The following GPR157 variants were observed in gnomAD, a reference collection of about 807,000 sequenced individuals.
The protein encoded by GPR157 is G-protein coupled receptor 157.
In GPR157, 16 loss-of-function variants were observed where a neutral mutation model predicts 23.5. The observed-to-expected ratio is 0.68, with a 90% CI of 0.46 to 1.04. GPR157 has a LOEUF of 1.04. Among genes scored for constraint, GPR157 ranks in the 50% least tolerant of loss-of-function variants. The pLI is 0.00. For missense variants in GPR157, 440 were observed against 460.7 expected (o/e 0.96, Z 0.41); for synonymous variants, 200 against 221.5 (o/e 0.90, Z 0.86).
intron 3 of GPR157, 61 bp from the exon 4 acceptor site, chr1:9,104,695 TG>T: frequency 7.9e-7 from 1 of 1,267,640 alleles, no homozygotes; most frequent in Admixed American, 2.2e-5. Flanking sequence ...ACACACGCGC[TG>T]TTGCAATTAA....
At chr1:9,116,873 G>C (rs748241608) in intron 1 of GPR157, among the ~76,000 whole-genome samples, 1 of 151,950 alleles carries the variant, frequency 6.6e-6, no homozygotes, top group African/African-American at 2.4e-5. Flanking sequence ...TCCTGAGTAG[G>C]GGGTACTACA....
At chr1:9,106,467 T>C (rs1422411186) in intron 2 of GPR157, among the ~76,000 whole-genome samples, 1 of 152,140 alleles carries the variant, frequency 6.6e-6, no homozygotes, top group African/African-American at 2.4e-5. Context: ...GGCCAACCCT[T>C]ATGGTCACAG....
Position 9,104,441 on chromosome 1 carries a change from G to A in GPR157, c.986C>T (p.Pro329Leu). Residue 329 changes from proline to leucine, a missense_variant, in exon 4 of 4, where the codon CCA becomes CTA. Coordinates refer to ENST00000377411, the MANE Select transcript of GPR157 (RefSeq NM_024980.5). ...AGCTCAGGTGCTTGGAAGTTCCCCTGGGGTCCCTTGGGATTCCTGAGATTC... is the reference window on the plus strand; with the variant it reads ...AGCTCAGGTGCTTGGAAGTTCCCCTAGGGTCCCTTGGGATTCCTGAGATTC... ...PGESQESQGT[P>L]GELPST is the part of the protein sequence containing the mutation. 1 of 1,613,890 alleles carries A rather than the reference G, an allele frequency of 6.2e-7. No individual in the cohort carries two copies.
intron 1 of GPR157, among the ~76,000 whole-genome samples, chr1:9,127,194 GA>G: frequency 6.6e-6 from 1 of 152,154 alleles, no homozygotes; most frequent in South Asian, 2.1e-4. Flanking sequence ...CTTTATCAAA[GA>G]AGCCCTTCCT....
intron 2 of GPR157, among the ~76,000 whole-genome samples, chr1:9,108,406 A>G (rs949628919): frequency 1.3e-5 from 2 of 152,242 alleles, no homozygotes; most frequent in African/African-American, 2.4e-5. Context: ...TGTCACCCGT[A>G]AGGGTCAGCC....
chr1:9,128,959 T>G lies in GPR157; in HGVS notation c.69A>C (p.Ala23=). Residue 23 remains alanine, a synonymous_variant, in exon 1 of 4, where the codon GCA becomes GCC. Transcript: ENST00000377411. This position sits in a 1 kb window ranked among gnomAD's most constrained non-coding sequence, Gnocchi z 6.3. The part of the protein sequence containing the change: ...SERAVVLLSC[A]LSALGSGLLV... Reference sequence around the variant, plus strand: ...GCAGGCCCGAGCCGAGCGCGGAGAGTGCGCACGACAGCAGCACCACGGCGC... The same window carrying G: ...GCAGGCCCGAGCCGAGCGCGGAGAGGGCGCACGACAGCAGCACCACGGCGC... 6.8e-7 allele frequency: 1 copy of G among 1,479,876 alleles called. No homozygotes were observed. Among genetic ancestry groups the G allele is most frequent in the Non-Finnish European group, 9.0e-7 (1 of 1,117,148 alleles). 91.7% of individuals were successfully genotyped at this position (1,479,876 alleles called of 1,614,324 possible).
chr1:9,128,362 C>T lies in GPR157; in HGVS notation c.383+283G>A, dbSNP rs1475048164. The stretch of plus-strand genomic sequence containing the variant: ...AGGGGCTCAGAGTGTCCTCCCCAGC[C>T]CCGTCCAAGGAAACAGGGCCCGGCT... On this transcript the variant is annotated intron_variant, in intron 1 of 3. Coordinates refer to ENST00000377411, the MANE Select transcript of GPR157 (RefSeq NM_024980.5). This position sits in a 1 kb window ranked among gnomAD's most constrained non-coding sequence, Gnocchi z 6.3. The T allele has an allele frequency of 4.5e-6, 3 of 669,480 alleles. No individual in the cohort carries two copies. The highest frequency in any genetic ancestry group is 2.4e-4 in the Middle Eastern group (1 of 4,222). The allele number at this position is 669,480 out of a possible 1,614,324, so 41.5% of individuals were successfully genotyped here.
In GPR157 at chr1:9,101,944, G is replaced by T. The variant is rs1056535278; in HGVS notation, c.*2475C>A. The T allele has an allele frequency of 1.3e-5, 2 of 152,204 alleles. No homozygotes were observed. The highest frequency in any genetic ancestry group is 2.9e-5 in the Non-Finnish European group (2 of 68,048). The allele number at this position is 152,204 out of a possible 1,614,324, so 9.4% of individuals were successfully genotyped here. Reference sequence around the variant, plus strand: ...CCTGAATTTTCGCTCCCTTCTAGAAGCTCAAGTGAGGGTCTTTACCAGAGA... The same window carrying T: ...CCTGAATTTTCGCTCCCTTCTAGAATCTCAAGTGAGGGTCTTTACCAGAGA... On this transcript the variant is annotated 3_prime_UTR_variant, in exon 4 of 4. Coordinates refer to ENST00000377411, the MANE Select transcript of GPR157 (RefSeq NM_024980.5).
At chr1:9,119,547 C>A (rs1056685507) in intron 1 of GPR157, among the ~76,000 whole-genome samples, 1 of 152,246 alleles carries the variant, frequency 6.6e-6, no homozygotes, top group South Asian at 2.1e-4. Context: ...TGTCTAAGCC[C>A]CCAGGCTGTG....
At chr1:9,126,126 T>G (rs907591597) in intron 1 of GPR157, among the ~76,000 whole-genome samples, 1 of 152,084 alleles carries the variant, frequency 6.6e-6, no homozygotes, top group Non-Finnish European at 1.5e-5. Context: ...CCCAGCTAAT[T>G]TTTGTAATTT....
At chr1:9,124,467 A>G (rs915730677) in intron 1 of GPR157, among the ~76,000 whole-genome samples, 1 of 152,220 alleles carries the variant, frequency 6.6e-6, no homozygotes, top group African/African-American at 2.4e-5. Context: ...CAAGATTCCT[A>G]TCCCAGAAAA....
At chr1:9,114,557 G>C (rs564413352) in intron 1 of GPR157, among the ~76,000 whole-genome samples, 1 of 152,060 alleles carries the variant, frequency 6.6e-6, no homozygotes, top group Non-Finnish European at 1.5e-5. Flanking sequence ...GGTCACGGTC[G>C]GCACAGCACT....
At chr1:9,104,746 A>G (rs1638236445) in intron 3 of GPR157, 112 bp from the exon 4 acceptor site, 2 of 730,198 alleles carry the variant, frequency 2.7e-6, no homozygotes, top group Non-Finnish European at 4.5e-6. Context: ...CACACCTGTA[A>G]TCCCAGCCCT....
intron 1 of GPR157, among the ~76,000 whole-genome samples, chr1:9,121,224 T>A (rs1638791727): frequency 6.6e-6 from 1 of 151,334 alleles, no homozygotes; most frequent in Admixed American, 6.6e-5. Context: ...CCCAGCTACT[T>A]GGGAGGCTGA....
At chr1:9,107,647 C>T (rs918015556) in intron 2 of GPR157, among the ~76,000 whole-genome samples, 7 of 151,996 alleles carry the variant, frequency 4.6e-5, no homozygotes, top group East Asian at 1.9e-4. Flanking sequence ...AGGCTAGGCG[C>T]GGGCACAGTG....
chr1:9,123,799 T>C (rs1001477650), intron 1 of GPR157, among the ~76,000 whole-genome samples: 2 of 131,036 alleles, frequency 1.5e-5, no homozygotes, highest in Non-Finnish European at 3.2e-5. Context: ...TAATATTATA[T>C]ATATATAATA....
At position 9,118,455 on chromosome 1, in the gene GPR157, G is replaced by C. The variant is rs1477100842; in HGVS notation, c.384-6966C>G. Reference sequence around the variant, plus strand: ...AGGAAGCCCGGGACAGCCACCTCGTGTGTAACTCTGATTGGCAGGGGCACC... The same window carrying C: ...AGGAAGCCCGGGACAGCCACCTCGTCTGTAACTCTGATTGGCAGGGGCACC... On this transcript the variant is annotated intron_variant, in intron 1 of 3. Transcript: ENST00000377411. This position sits in a 1 kb window ranked among gnomAD's most constrained non-coding sequence, Gnocchi z 4.6. Among the ~76,000 whole-genome samples the C allele has an allele frequency of 1.3e-5, 2 of 152,182 alleles. No homozygotes were observed. Among genetic ancestry groups the C allele is most frequent in the Non-Finnish European group, 2.9e-5 (2 of 68,026 alleles).
At chr1:9,126,710 T>A (rs904969746) in intron 1 of GPR157, among the ~76,000 whole-genome samples, 1 of 152,166 alleles carries the variant, frequency 6.6e-6, no homozygotes, top group African/African-American at 2.4e-5. Flanking sequence ...GATGAACCTG[T>A]TAGGCAGGTT....
In GPR157 at chr1:9,128,112, C is replaced by T. The variant is rs1033911723; in HGVS notation, c.383+533G>A. The stretch of plus-strand genomic sequence containing the variant: ...AGGGGCTGGGGCCTGAGGCTAGAAA[C>T]GACCAAAGACAGAATAAAAAGCACA... On this transcript the variant is annotated intron_variant, in intron 1 of 3. Coordinates refer to ENST00000377411, the MANE Select transcript of GPR157 (RefSeq NM_024980.5). This position sits in a 1 kb window ranked among gnomAD's most constrained non-coding sequence, Gnocchi z 6.3. Among the ~76,000 whole-genome samples the T allele has an allele frequency of 1.6e-4, 25 of 152,116 alleles. No homozygotes were observed. Among genetic ancestry groups the T allele is most frequent in the Non-Finnish European group, 5.9e-5 (4 of 68,020 alleles).
Sources: allele counts gnomAD v4.1 joint callset (sites outside exome capture counted in the v4.1 genomes callset), GRCh38; gene constraint gnomAD v4.1.1; non-coding constraint Gnocchi (gnomAD v3.1); transcripts MANE v1.5; gene names NCBI Gene and HGNC (gene_info 2026-07-23, HGNC 2026-07-21).